Variants in RAB40B observed in about 807,000 individuals in gnomAD.
RAB40B encodes ras-related protein Rab-40B.
In RAB40B, 21 loss-of-function variants were observed where a neutral mutation model predicts 24.0. The ratio of observed to expected loss-of-function variants is 0.88; its 90% CI spans 0.62 to 1.26. RAB40B has a LOEUF of 1.26. Ranked by LOEUF, RAB40B falls within the 50% of genes most tolerant of loss-of-function variation. The pLI, the probability that RAB40B is intolerant of heterozygous loss-of-function variation, is 0.00. For synonymous variants in RAB40B, 167 were observed against 169.8 expected, an observed-to-expected ratio of 0.98 and a Z score of 0.13; for missense variants, 348 against 390.5, an observed-to-expected ratio of 0.89 and a Z score of 0.92.
intron 1 of RAB40B, among the ~76,000 whole-genome samples, chr17:82,687,394 T>G (rs748441155): frequency 6.6e-6 from 1 of 152,240 alleles, no homozygotes; most frequent in Admixed American, 6.5e-5. Context: ...CTTTTATTTT[T>G]AGTCAAACAA....
chr17:82,665,394 G>A (rs926576853), intron 1 of RAB40B, among the ~76,000 whole-genome samples: 10 of 152,032 alleles, frequency 6.6e-5, no homozygotes, highest in Non-Finnish European at 1.5e-4. Context: ...CCGGGACTAC[G>A]GGCATGTGCC....
intron 1 of RAB40B, among the ~76,000 whole-genome samples, chr17:82,672,986 C>T (rs571941949): frequency 5.9e-4 from 90 of 152,258 alleles, no homozygotes; most frequent in Non-Finnish European, 1.1e-3. Flanking sequence ...GGTGGATCAT[C>T]TGAGGTCAGG....
Position 82,664,938 on chromosome 17 carries a change from AG to A in RAB40B, c.143-383del, listed in dbSNP as rs1363710211. 8 of 199,650 alleles carry A rather than the reference AG, an allele frequency of 4.0e-5. No individual in the cohort carries two copies. In the East Asian group the frequency reaches 1.1e-3, roughly 28 times the overall value. 12.4% of individuals were successfully genotyped at this position (199,650 alleles called of 1,614,324 possible). A position where few individuals can be genotyped will look rare whatever the true frequency, so the allele number is the denominator to read the frequency against. ...CTCCCCACCTCCTCCCCAAGCCTGC[AG>A]GCCTGAGAGCTCCGACTCAGCTCTG... On this transcript the variant is annotated intron_variant, in intron 1 of 5. Transcript: ENST00000571995.
chr17:82,664,184 G>A (rs1286682199), intron 2 of RAB40B, among the ~76,000 whole-genome samples: 2 of 141,856 alleles, frequency 1.4e-5, no homozygotes, highest in African/African-American at 5.9e-5. Context: ...CTGTGCCGAC[G>A]GTGGTGGGGG....
chr17:82,667,702 A>C lies in RAB40B; in HGVS notation c.143-3146T>G, dbSNP rs2046275039. On this transcript the variant is annotated intron_variant, in intron 1 of 5. Coordinates refer to ENST00000571995, the MANE Select transcript of RAB40B (RefSeq NM_006822.3). The surrounding 1 kb of genome is among the most constrained non-coding windows in gnomAD (Gnocchi z 4.3). ...GATTAGACCAAGCAACACCAGAGCA[A>C]ACTCCCCCCGTCAGAGGAGAGTGAT... Among the ~76,000 whole-genome samples the C allele has an allele frequency of 6.6e-6, 1 of 151,994 alleles. No homozygotes were observed. Among genetic ancestry groups the C allele is most frequent in the African/African-American group, 2.4e-5 (1 of 41,374 alleles).
At chr17:82,695,249 T>C (rs2046596998) in intron 1 of RAB40B, among the ~76,000 whole-genome samples, 1 of 150,584 alleles carries the variant, frequency 6.6e-6, no homozygotes, top group South Asian at 2.1e-4. Flanking sequence ...TGGAGTGCAA[T>C]GGTGTGATCT....
At chr17:82,694,592 G>A (rs569722114) in intron 1 of RAB40B, among the ~76,000 whole-genome samples, 3 of 151,376 alleles carry the variant, frequency 2.0e-5, no homozygotes, top group African/African-American at 4.9e-5. Flanking sequence ...CAAAGAGTAC[G>A]TTCATACTAA....
At chr17:82,666,032 G>GCACCTGCCACCA (rs71168129) in intron 1 of RAB40B, among the ~76,000 whole-genome samples, 123 of 151,372 alleles carry the variant, frequency 8.1e-4, no homozygotes, top group Middle Eastern at 3.4e-3. Flanking sequence ...GCACACCACT[G>GCACCTGCCACCA]CACCTGCCAC....
chr17:82,697,995 A>G lies in RAB40B; in HGVS notation c.142+460T>C, dbSNP rs1355919920. ...GCGCCTGCTCGCCGCGCTCCGCCCC[A>G]GGAGCCCCGGAGCTCGCGTCCCCTC... On this transcript the variant is annotated intron_variant, in intron 1 of 5. Coordinates refer to ENST00000571995, the MANE Select transcript of RAB40B (RefSeq NM_006822.3). The surrounding 1 kb of genome is among the most constrained non-coding windows in gnomAD (Gnocchi z 4.9). Among the ~76,000 whole-genome samples, 1 of 151,278 alleles carries G rather than the reference A, an allele frequency of 6.6e-6. No homozygotes were observed. The highest frequency in any genetic ancestry group is 1.5e-5 in the Non-Finnish European group (1 of 67,750).
intron 1 of RAB40B, among the ~76,000 whole-genome samples, chr17:82,695,853 G>A (rs529938109): frequency 5.7e-4 from 87 of 152,192 alleles, no homozygotes; most frequent in Middle Eastern, 3.4e-3. Context: ...CAGCAGCTCA[G>A]GCCAAGTAGA....
Position 82,664,486 on chromosome 17 carries a change from C to G in RAB40B, c.203+10G>C. 6.2e-7 allele frequency: 1 copy of G among 1,612,688 alleles called. No homozygotes were observed. Among genetic ancestry groups the G allele is most frequent in the Non-Finnish European group, 8.5e-7 (1 of 1,179,408 alleles). ...GGGGTGCGGGACGCTCGCACCTCCT[C>G]CAGACTCACCAGAGCTGCAGCTTCA... On this transcript the variant is annotated intron_variant, in intron 2 of 5. Transcript: ENST00000571995.
chr17:82,664,011 C>T lies in RAB40B; in HGVS notation c.203+485G>A, dbSNP rs529888189. On this transcript the variant is annotated intron_variant, in intron 2 of 5. Transcript: ENST00000571995. ...GGTGGTGGGAGGGTGTTCCCGGGGG[C>T]GCTGTGCCAACGGTGGTGGGGGAAG... Among the ~76,000 whole-genome samples, 83 of 83,434 alleles carry T rather than the reference C, an allele frequency of 9.9e-4. No individual in the cohort carries two copies. The South Asian group carries it at 0.026, about 26-fold the overall frequency. The allele number at this position is 83,434 out of a possible 152,430, so 54.7% of individuals were successfully genotyped here.
Position 82,658,078 on chromosome 17 carries a change from G to C in RAB40B, c.622C>G (p.Leu208Val). Residue 208 changes from leucine to valine, a missense_variant, in exon 6 of 6, where the codon CTG becomes GTG. Leu to Val is a conservative substitution (Grantham distance 32). This residue lies in a region of RAB40B where 121 missense variants were observed against 124.0 expected (regional missense o/e 0.98). Coordinates refer to ENST00000571995, the MANE Select transcript of RAB40B (RefSeq NM_006822.3). The part of the protein sequence containing the change: ...RAVVSCTPVH[L>V]VDKLPLPIAL... ...ATGGGGAGCGGGAGCTTGTCCACCAGGTGCACCGGCGTGCAGGACACGACC... is the reference window on the plus strand; with the variant it reads ...ATGGGGAGCGGGAGCTTGTCCACCACGTGCACCGGCGTGCAGGACACGACC... 2.5e-6 allele frequency: 4 copies of C among 1,614,196 alleles called. No individual in the cohort carries two copies. The East Asian group carries it at 8.9e-5, about 36-fold the overall frequency.
chr17:82,659,488 C>G (rs1344513645), intron 4 of RAB40B, 92 bp downstream of exon 4: 5 of 1,288,336 alleles, frequency 3.9e-6, no homozygotes, highest in Non-Finnish European at 4.5e-6. Context: ...TCCATGGGTA[C>G]CCATGAGCCC....
intron 1 of RAB40B, among the ~76,000 whole-genome samples, chr17:82,691,922 G>A (rs890799666): frequency 6.6e-6 from 1 of 152,204 alleles, no homozygotes; most frequent in African/African-American, 2.4e-5. Flanking sequence ...TGGGGTCCAG[G>A]CCACCAGGAA....
chr17:82,657,665 A>G lies in RAB40B; in HGVS notation c.*198T>C. 1 of 725,558 alleles carries G rather than the reference A, an allele frequency of 1.4e-6. No homozygotes were observed. Among genetic ancestry groups the G allele is most frequent in the South Asian group, 1.4e-5 (1 of 69,626 alleles). 44.9% of individuals were successfully genotyped at this position (725,558 alleles called of 1,614,324 possible). ...TTCCCTTTACAAACACACATCGAAA[A>G]CAAGAGCTTCATGCACATCCACGTA... On this transcript the variant is annotated 3_prime_UTR_variant, in exon 6 of 6. Coordinates refer to ENST00000571995, the MANE Select transcript of RAB40B (RefSeq NM_006822.3).
At chr17:82,665,693 C>A (rs889330902) in intron 1 of RAB40B, among the ~76,000 whole-genome samples, 2 of 151,942 alleles carry the variant, frequency 1.3e-5, no homozygotes, top group Non-Finnish European at 2.9e-5. Context: ...ATGATGAAAC[C>A]CCATCTCTAC....
chr17:82,657,817 G>A lies in RAB40B; in HGVS notation c.*46C>T, dbSNP rs374869472. Reference sequence around the variant, plus strand: ...TCCACCAGCTGCCGGGGGTAACGCCGAGCTTCTCCTGGAGAGATTCCGCCG... The same window carrying A: ...TCCACCAGCTGCCGGGGGTAACGCCAAGCTTCTCCTGGAGAGATTCCGCCG... On this transcript the variant is annotated 3_prime_UTR_variant, in exon 6 of 6. Coordinates refer to ENST00000571995, the MANE Select transcript of RAB40B (RefSeq NM_006822.3). 15 of 1,607,450 alleles carry A rather than the reference G, an allele frequency of 9.3e-6. No individual in the cohort carries two copies. Among genetic ancestry groups the A allele is most frequent in the Middle Eastern group, 1.6e-4 (1 of 6,070 alleles).
intron 3 of RAB40B, among the ~76,000 whole-genome samples, chr17:82,660,465 G>A (rs1321606743): frequency 7.0e-6 from 1 of 143,698 alleles, no homozygotes; most frequent in Middle Eastern, 4.6e-3. Context: ...CGCATACACA[G>A]TGCAAGTACC....
Sources: gnomAD v4.1 joint callset for allele counts (sites outside exome capture counted in the v4.1 genomes callset) on GRCh38, gnomAD v4.1.1 for gene constraint, gnomAD v4.1.1 regional missense constraint, Gnocchi (gnomAD v3.1) non-coding constraint, MANE v1.5 for transcripts, NCBI Gene and HGNC (gene_info 2026-07-23, HGNC 2026-07-21) for gene names.